Variants in RBMS2 observed in about 807,000 individuals in gnomAD.
RBMS2 encodes the protein RNA-binding motif, single-stranded-interacting protein 2.
In RBMS2, 38 loss-of-function variants were observed where a neutral mutation model predicts 58.4. That is an observed-to-expected ratio of 0.65 (90% confidence interval 0.50 to 0.85). The LOEUF is 0.85. Ranked by LOEUF, RBMS2 falls within the 40% of genes least tolerant of loss-of-function variation. The pLI, the probability that RBMS2 is intolerant of heterozygous loss-of-function variation, is 0.00. For missense variants in RBMS2, 367 were observed against 503.7 expected, an observed-to-expected ratio of 0.73 and a Z score of 2.60; for synonymous variants, 151 against 180.7, an observed-to-expected ratio of 0.84 and a Z score of 1.32.
chr12:56,580,335 C>T (rs777228463), intron 5 of RBMS2: 51 of 401,242 alleles, frequency 1.3e-4, no homozygotes, highest in Non-Finnish European at 2.1e-4. Flanking sequence ...CAGGTTCAAG[C>T]GATTCTCTCA....
chr12:56,581,933 C>T (rs1884011919), intron 8 of RBMS2, 54 bp downstream of exon 8: 1 of 1,593,720 alleles, frequency 6.3e-7, no homozygotes, highest in Non-Finnish European at 8.6e-7. Context: ...TGTGTCCAGA[C>T]ACTCAAATGA....
At chr12:56,537,353 C>T (rs1323021816) in intron 1 of RBMS2, among the ~76,000 whole-genome samples, 2 of 152,198 alleles carry the variant, frequency 1.3e-5, no homozygotes, top group African/African-American at 4.8e-5. Flanking sequence ...TCCACATTCT[C>T]CTCTCCCTCC....
chr12:56,542,643 G>A (rs1415853136), intron 1 of RBMS2, among the ~76,000 whole-genome samples: 1 of 148,986 alleles, frequency 6.7e-6, no homozygotes, highest in African/African-American at 2.5e-5. Flanking sequence ...CAACCTCCTC[G>A]GCTCAAGTGA....
upstream of RBMS2, among the ~76,000 whole-genome samples, chr12:56,521,739 AC>A (rs1276753010): frequency 6.6e-6 from 1 of 151,852 alleles, no homozygotes; most frequent in Non-Finnish European, 1.5e-5. Flanking sequence ...ACAAAAAAAA[AC>A]ATCTTGGGCA....
At chr12:56,531,804 G>A (rs1402805800) in intron 1 of RBMS2, among the ~76,000 whole-genome samples, 3 of 144,114 alleles carry the variant, frequency 2.1e-5, no homozygotes, top group African/African-American at 5.2e-5. Flanking sequence ...GCGACAGTGC[G>A]AGATTCCATT....
At chr12:56,530,350 CTTTTTTTTTT>C (rs71081373) in intron 1 of RBMS2, among the ~76,000 whole-genome samples, 8 of 63,780 alleles carry the variant, frequency 1.3e-4, no homozygotes, top group Admixed American at 2.7e-4. Flanking sequence ...TTTCTTTTTC[CTTTTTTTTTT>C]TTTTTTTTTT....
intron 1 of RBMS2, among the ~76,000 whole-genome samples, chr12:56,529,679 G>A (rs1873346817): frequency 6.6e-6 from 1 of 152,072 alleles, no homozygotes; most frequent in African/African-American, 2.4e-5. Context: ...AAAACATGAC[G>A]CTCATGAAAG....
chr12:56,557,595 ATCT>A (rs1405083490), intron 1 of RBMS2, among the ~76,000 whole-genome samples: 1 of 152,138 alleles, frequency 6.6e-6, no homozygotes, highest in Non-Finnish European at 1.5e-5. Flanking sequence ...TCTGAGCCGT[ATCT>A]TCTTTTCTAA....
At position 56,581,220 on chromosome 12, in the gene RBMS2, C is replaced by G; in HGVS notation, c.579C>G (p.Thr193=). ...CAGAGAAGTGTGAAGCCATCATCAC[C>G]CACTTTAATGGAAAATATATTAAGA... ...ESTEKCEAII[T]HFNGKYIKTP... The change falls in exon 6 of 14, where the codon ACC becomes ACG. Residue 193 remains threonine (T), a synonymous_variant. Coordinates refer to ENST00000262031, the MANE Select transcript of RBMS2 (RefSeq NM_002898.4). 2 of 1,609,952 alleles carry G rather than the reference C, an allele frequency of 1.2e-6. No individual in the cohort carries two copies. The highest frequency in any genetic ancestry group is 1.7e-6 in the Non-Finnish European group (2 of 1,176,270).
chr12:56,582,165 C>A lies in RBMS2; in HGVS notation c.873+13C>A. On this transcript the variant is annotated intron_variant, in intron 9 of 13. Transcript: ENST00000262031. Reference sequence around the variant, plus strand: ...GTCTTCGTATCAGGTATGTTCATGCCTGAAAAATGGTGTGGTGGTTTTCCC... The same window carrying A: ...GTCTTCGTATCAGGTATGTTCATGCATGAAAAATGGTGTGGTGGTTTTCCC... 6.3e-7 allele frequency: 1 copy of A among 1,576,096 alleles called. No individual in the cohort carries two copies. Among genetic ancestry groups the A allele is most frequent in the African/African-American group, 1.4e-5 (1 of 73,766 alleles).
intron 12 of RBMS2, 182 bp downstream of exon 12, chr12:56,588,556 A>G (rs1884999923): frequency 3.2e-6 from 2 of 620,158 alleles, no homozygotes; most frequent in Admixed American, 2.9e-5. Flanking sequence ...AATTGGAACA[A>G]TACAGAGAAG....
chr12:56,521,841 C>T lies in RBMS2; in HGVS notation c.-183C>T, dbSNP rs747287653. 2.6e-5 allele frequency: 15 copies of T among 573,006 alleles called. No homozygotes were observed. Among genetic ancestry groups the T allele is most frequent in the Non-Finnish European group, 3.3e-5 (11 of 329,534 alleles). The allele number at this position is 573,006 out of a possible 1,614,324, so 35.5% of individuals were successfully genotyped here. On this transcript the variant is annotated 5_prime_UTR_variant, in exon 1 of 14. Transcript: ENST00000262031. ...GAGCAGCCCGAGCTCATTCTCTGCCCGCAGCCCCCCTTCATCTCTCTCCTC... is the reference window on the plus strand; with the variant it reads ...GAGCAGCCCGAGCTCATTCTCTGCCTGCAGCCCCCCTTCATCTCTCTCCTC...
intron 1 of RBMS2, among the ~76,000 whole-genome samples, chr12:56,545,397 C>T (rs1168251815): frequency 1.3e-5 from 2 of 152,170 alleles, no homozygotes; most frequent in African/African-American, 2.4e-5. Flanking sequence ...ATTTTTATAA[C>T]AGCTCTATTG....
Position 56,589,200 on chromosome 12 carries a change from A to C in RBMS2, c.*67A>C, listed in dbSNP as rs1451117293. On this transcript the variant is annotated 3_prime_UTR_variant, in exon 14 of 14. Coordinates refer to ENST00000262031, the MANE Select transcript of RBMS2 (RefSeq NM_002898.4). ...TTCTTGGAGATACTCATGCTCCCAG[A>C]TTCCAGAGGGTTAACCAGGAATGGA... is the stretch of plus-strand genomic sequence containing the variant. The C allele has an allele frequency of 4.6e-6, 7 of 1,519,440 alleles. No homozygotes were observed. The highest frequency in any genetic ancestry group is 6.2e-6 in the Non-Finnish European group (7 of 1,130,738). 94.1% of individuals were successfully genotyped at this position (1,519,440 alleles called of 1,614,324 possible). A position where few individuals can be genotyped will look rare whatever the true frequency, so the allele number is the denominator to read the frequency against.
rs146432365 is a variant in RBMS2, at chr12:56,526,896, C to G, written c.66+4807C>G. Among the ~76,000 whole-genome samples the G allele has an allele frequency of 2.2e-3, 330 of 152,196 alleles. 1 individual carries two copies. Among genetic ancestry groups the G allele is most frequent in the African/African-American group, 7.7e-3 (318 of 41,534 alleles). Reference sequence around the variant, plus strand: ...ATTTAACTCCTCATAGGATCAACAACCATTTCCTTTGGAAAAAAAGAAAAG... The same window carrying G: ...ATTTAACTCCTCATAGGATCAACAAGCATTTCCTTTGGAAAAAAAGAAAAG... On this transcript the variant is annotated intron_variant, in intron 1 of 13. Coordinates refer to ENST00000262031, the MANE Select transcript of RBMS2 (RefSeq NM_002898.4).
chr12:56,558,143 G>A (rs1451831356), intron 1 of RBMS2, among the ~76,000 whole-genome samples: 4 of 131,580 alleles, frequency 3.0e-5, no homozygotes, highest in African/African-American at 1.1e-4. Context: ...CTCCTCCTGG[G>A]TTCACACCAT....
intron 1 of RBMS2, among the ~76,000 whole-genome samples, chr12:56,544,651 A>G (rs1876801808): frequency 6.6e-6 from 1 of 152,116 alleles, no homozygotes; most frequent in African/African-American, 2.4e-5. Context: ...GCAGTAGTGC[A>G]ATAATGGCTC....
intron 1 of RBMS2, chr12:56,527,759 C>A (rs1303145319): frequency 1.3e-5 from 2 of 148,396 alleles, no homozygotes; most frequent in Admixed American, 1.4e-4. Flanking sequence ...GCCACCCCCC[C>A]ACCATGCCCC....
chr12:56,587,405 T>C, intron 10 of RBMS2, 149 bp from the exon 11 acceptor site: 1 of 739,732 alleles, frequency 1.4e-6, no homozygotes, highest in East Asian at 2.8e-5. Flanking sequence ...AGAGTTCCTA[T>C]TCTTGTTGCA....
Sources: gnomAD v4.1 joint callset for allele counts (sites outside exome capture counted in the v4.1 genomes callset) on GRCh38, gnomAD v4.1.1 for gene constraint, MANE v1.5 for transcripts, NCBI Gene and HGNC (gene_info 2026-07-23, HGNC 2026-07-21) for gene names.